Variants in RNF212 observed in about 807,000 individuals in gnomAD.
The protein encoded by RNF212 is probable E3 SUMO-protein ligase RNF212.
Under a neutral mutation model 34.7 loss-of-function variants are expected in RNF212, and 33 were observed. The observed-to-expected ratio is 0.95, with a 90% CI of 0.72 to 1.27. The LOEUF is 1.27. RNF212 is among the 50% of genes most tolerant of loss of function. The pLI is 0.00. For missense variants in RNF212, 377 were observed against 362.2 expected (o/e 1.04, Z -0.33); for synonymous variants, 140 against 136.1 (o/e 1.03, Z -0.20).
At chr4:1,102,892 A>T (rs1724234264) in intron 2 of RNF212, among the ~76,000 whole-genome samples, 1 of 151,600 alleles carries the variant, frequency 6.6e-6, no homozygotes. Context: ...CTGTAATCCC[A>T]GCACTTTGGG....
At chr4:1,110,387 T>C (rs1200352123) in intron 1 of RNF212, among the ~76,000 whole-genome samples, 1 of 152,146 alleles carries the variant, frequency 6.6e-6, no homozygotes, top group African/African-American at 2.4e-5. Flanking sequence ...AGGCACTTCC[T>C]TTGTGCCTGT....
intron 7 of RNF212, 31 bp from the exon 8 acceptor site, chr4:1,079,719 G>A (rs749405962): frequency 1.0e-4 from 157 of 1,550,754 alleles, no homozygotes; most frequent in Non-Finnish European, 1.4e-4. Flanking sequence ...GGCTTTGAGT[G>A]AGCCCAGGAC....
rs1723145012 is a variant in RNF212 at position 1,096,853 on chromosome 4, A to C, written c.172-14T>G. 3 of 1,573,568 alleles carry C rather than the reference A, an allele frequency of 1.9e-6. No homozygotes were observed. Among genetic ancestry groups the C allele is most frequent in the Middle Eastern group, 1.7e-4 (1 of 6,010 alleles). The stretch of plus-strand genomic sequence containing the variant: ...ATCTGCGTCGGTCTGAAAGAGAAAG[A>C]AATGACTCTACATTTATTGTGTCTA... On this transcript the variant is annotated splice_polypyrimidine_tract_variant and intron_variant, in intron 2 of 9. Transcript: ENST00000433731.
chr4:1,090,523 G>A (rs1722020939), intron 4 of RNF212, among the ~76,000 whole-genome samples: 1 of 152,224 alleles, frequency 6.6e-6, no homozygotes, highest in African/African-American at 2.4e-5. Flanking sequence ...CCAGGTGGCT[G>A]AGGGGATAAG....
At position 1,087,745 on chromosome 4, in the gene RNF212, T is replaced by C. The variant is rs1026441604; in HGVS notation, c.304-1791A>G. On this transcript the variant is annotated intron_variant, in intron 4 of 9. Transcript: ENST00000433731. ...GAATCTGGGGGAGGTGATTGGATCA[T>C]GGGGGTGCTTTCCCCCATGCTGTTC... 7.9e-5 allele frequency among the ~76,000 whole-genome samples: 12 copies of C among 151,368 alleles called. 1 individual carries two copies. Among genetic ancestry groups the C allele is most frequent in the Admixed American group, 7.2e-4 (11 of 15,200 alleles).
chr4:1,077,260 A>C (rs1317554084), intron 8 of RNF212, among the ~76,000 whole-genome samples: 1 of 152,190 alleles, frequency 6.6e-6, no homozygotes, highest in Non-Finnish European at 1.5e-5. Context: ...AACAAAAAGC[A>C]AAAGACAGAA....
chr4:1,081,882 C>A, intron 5 of RNF212: 1 of 467,304 alleles, frequency 2.1e-6, no homozygotes, highest in South Asian at 2.3e-5. Flanking sequence ...TGTCACTCAG[C>A]ACATGGCCAC....
chr4:1,082,460 G>A (rs958874502), intron 5 of RNF212, among the ~76,000 whole-genome samples: 5 of 152,250 alleles, frequency 3.3e-5, no homozygotes, highest in African/African-American at 4.8e-5. Flanking sequence ...CCGAGTGCCC[G>A]TCTATGCTGG....
chr4:1,072,862 C>T lies in RNF212; in HGVS notation c.*12G>A, dbSNP rs993186759. ...AAACACTCAGAATCATTAATAGTCA[C>T]ATAAATGCAAATCAAAATGACTTTT... On this transcript the variant is annotated 3_prime_UTR_variant, in exon 10 of 10. Coordinates refer to ENST00000433731, the MANE Select transcript of RNF212 (RefSeq NM_001131034.4). The T allele has an allele frequency of 3.2e-6, 5 of 1,572,456 alleles. No homozygotes were observed. The East Asian group carries it at 7.0e-5, about 22-fold the overall frequency.
chr4:1,061,459 A>G (rs1221505899), intron 3 of RNF212, among the ~76,000 whole-genome samples: 1 of 152,218 alleles, frequency 6.6e-6, no homozygotes, highest in African/African-American at 2.4e-5. Context: ...AGCCAGACAG[A>G]GGCAGCTTCC....
chr4:1,070,500 G>T, downstream of RNF212, among the ~76,000 whole-genome samples: 2 of 88,526 alleles, frequency 2.3e-5, no homozygotes, highest in South Asian at 8.3e-4. Flanking sequence ...CCTGGCCTGA[G>T]TTGTGGGTGG....
In RNF212 at chr4:1,085,788, C is replaced by T. The variant is rs1415434645; in HGVS notation, c.362+108G>A. Reference sequence around the variant, plus strand: ...TTCTGGTAAATGAACGAGCTCTTCCCTCTGCATCTGCAGTCATCTTTCATT... The same window carrying T: ...TTCTGGTAAATGAACGAGCTCTTCCTTCTGCATCTGCAGTCATCTTTCATT... On this transcript the variant is annotated intron_variant, in intron 5 of 9. Transcript: ENST00000433731. The T allele has an allele frequency of 5.0e-6, 4 of 806,812 alleles. No individual in the cohort carries two copies. The Admixed American group carries it at 5.5e-5, about 11-fold the overall frequency. The allele number at this position is 806,812 out of a possible 1,614,324, so 50.0% of individuals were successfully genotyped here. A position where few individuals can be genotyped will look rare whatever the true frequency, so the allele number is the denominator to read the frequency against.
chr4:1,094,992 A>G (rs1722818817), intron 3 of RNF212, among the ~76,000 whole-genome samples: 3 of 152,238 alleles, frequency 2.0e-5, no homozygotes, highest in Non-Finnish European at 4.4e-5. Context: ...ATATTTTGGC[A>G]GAAAATATTT....
chr4:1,113,478 C>A lies in RNF212; in HGVS notation c.-14G>T, dbSNP rs1057163196. The A allele has an allele frequency of 3.1e-6, 5 of 1,602,448 alleles. No individual in the cohort carries two copies. The African/African-American group carries it at 6.8e-5, about 22-fold the overall frequency. ...CCAGTTGGCCATGCCAGGCGGGCGA[C>A]CGCAGCGGCGAGGCCGGGCCCACGC... On this transcript the variant is annotated 5_prime_UTR_variant, in exon 1 of 10. Transcript: ENST00000433731.
chr4:1,058,886 C>T (rs1717545225), intron 3 of RNF212, among the ~76,000 whole-genome samples: 1 of 152,212 alleles, frequency 6.6e-6, no homozygotes, highest in African/African-American at 2.4e-5. Flanking sequence ...AGCTTCCTCC[C>T]CCGCCTCTCC....
At chr4:1,067,881 A>G (rs1718194088), downstream of RNF212, among the ~76,000 whole-genome samples, 1 of 152,066 alleles carries the variant, frequency 6.6e-6, no homozygotes, top group Non-Finnish European at 1.5e-5. Context: ...AAAAAAAAAA[A>G]AAAAGAAATA....
chr4:1,083,780 G>A (rs1370102744), intron 5 of RNF212, among the ~76,000 whole-genome samples: 4 of 152,178 alleles, frequency 2.6e-5, no homozygotes, highest in Non-Finnish European at 5.9e-5. Flanking sequence ...AGAGGCTGAC[G>A]TCGAGGGTGG....
intron 2 of RNF212, among the ~76,000 whole-genome samples, chr4:1,097,553 C>T (rs1021465378): frequency 2.0e-5 from 3 of 151,956 alleles, no homozygotes; most frequent in Non-Finnish European, 2.9e-5. Flanking sequence ...TGCAGTGAGC[C>T]GAGATTACGC....
At chr4:1,082,153 G>A (rs999353996) in intron 5 of RNF212, among the ~76,000 whole-genome samples, 1 of 152,002 alleles carries the variant, frequency 6.6e-6, no homozygotes, top group Non-Finnish European at 1.5e-5. Context: ...GAAAGGGAAA[G>A]GAAAGAAAAG....
Sources: allele counts gnomAD v4.1 joint callset (sites outside exome capture counted in the v4.1 genomes callset), GRCh38; gene constraint gnomAD v4.1.1; transcripts MANE v1.5; gene names NCBI Gene and HGNC (gene_info 2026-07-23, HGNC 2026-07-21).